The following COG6 variants were observed in gnomAD, a reference collection of about 807,000 sequenced individuals.
The protein encoded by COG6 is conserved oligomeric Golgi complex subunit 6.
In COG6, 74 loss-of-function variants were observed where a neutral mutation model predicts 88.8. The ratio of observed to expected loss-of-function variants is 0.83; its 90% confidence interval spans 0.69 to 1.01. The LOEUF (loss-of-function observed/expected upper bound fraction) is 1.01, where lower values mean the gene tolerates loss of function less well. Ranked by LOEUF, COG6 falls within the 50% of genes least tolerant of loss-of-function variation. The probability of loss-of-function intolerance (pLI) is 0.00; values close to 1 mark genes in which losing one functional copy is unlikely to be tolerated. For missense variants in COG6, 800 were observed against 797.9 expected, an observed-to-expected ratio of 1.00 and a Z score of -0.03; for synonymous variants, 286 against 278.7, an observed-to-expected ratio of 1.03 and a Z score of -0.26.
intron 4 of COG6, among the ~76,000 whole-genome samples, chr13:39,671,846 A>G (rs1875663647): frequency 6.6e-6 from 1 of 151,968 alleles, no homozygotes; most frequent in Non-Finnish European, 1.5e-5. Context: ...CACCAGAAAA[A>G]AAAATAATTA....
chr13:39,721,038 T>G (rs993249591), intron 15 of COG6, among the ~76,000 whole-genome samples: 9 of 152,124 alleles, frequency 5.9e-5, no homozygotes, highest in African/African-American at 1.9e-4. Flanking sequence ...AATTTACCTT[T>G]CTTGGATAAC....
chr13:39,666,953 T>C (rs538214683), intron 4 of COG6, among the ~76,000 whole-genome samples: 1 of 152,324 alleles, frequency 6.6e-6, no homozygotes, highest in South Asian at 2.1e-4. Context: ...GTACCTTATC[T>C]TAGACCTGTG....
chr13:39,658,813 C>G (rs113057533), intron 1 of COG6, among the ~76,000 whole-genome samples: 24 of 152,278 alleles, frequency 1.6e-4, no homozygotes, highest in African/African-American at 5.8e-4. Flanking sequence ...TCTCCAAGTT[C>G]TACTTCCAGT....
chr13:39,774,009 G>T (rs1881393441), intron 18 of COG6, among the ~76,000 whole-genome samples: 1 of 152,044 alleles, frequency 6.6e-6, no homozygotes, highest in South Asian at 2.1e-4. Flanking sequence ...GACTGTACAG[G>T]CTTCGAAACT....
chr13:39,688,383 A>G lies in COG6; in HGVS notation c.1009+584A>G, dbSNP rs1876788694. Among the ~76,000 whole-genome samples the G allele has an allele frequency of 2.0e-5, 3 of 152,304 alleles. No homozygotes were observed. In the South Asian group the frequency reaches 6.2e-4, roughly 32 times the overall value. On this transcript the variant is annotated intron_variant, in intron 10 of 18. Transcript: ENST00000455146. ...CGGTTCTGCAGGCAGTAGAGGAAGCATGATGCCAACATCTGCTTCTGGTGA... is the reference window on the plus strand; with the variant it reads ...CGGTTCTGCAGGCAGTAGAGGAAGCGTGATGCCAACATCTGCTTCTGGTGA...
intron 8 of COG6, among the ~76,000 whole-genome samples, chr13:39,685,585 A>G (rs1228115883): frequency 6.6e-6 from 1 of 152,114 alleles, no homozygotes; most frequent in African/African-American, 2.4e-5. Flanking sequence ...GTTTATTTTT[A>G]ATATAGTTAG....
At chr13:39,723,504 G>T (rs936432260) in intron 16 of COG6, 64 bp downstream of exon 16, 2 of 932,898 alleles carry the variant, frequency 2.1e-6, no homozygotes, top group Non-Finnish European at 3.5e-6. Context: ...GTCTTCTAGA[G>T]CTGCACTCTG....
intron 4 of COG6, among the ~76,000 whole-genome samples, chr13:39,671,559 A>T (rs1337315271): frequency 6.6e-6 from 1 of 151,832 alleles, no homozygotes; most frequent in Admixed American, 6.6e-5. Context: ...TTGAAAACTC[A>T]TTTGTCATTT....
At chr13:39,735,437 A>G (rs1879684515) in intron 18 of COG6, among the ~76,000 whole-genome samples, 1 of 151,834 alleles carries the variant, frequency 6.6e-6, no homozygotes, top group Non-Finnish European at 1.5e-5. Context: ...TGTTTTTTCT[A>G]CTTATATCTT....
intron 1 of COG6, chr13:39,657,018 C>A: frequency 5.3e-6 from 2 of 380,038 alleles, no homozygotes; most frequent in South Asian, 2.1e-5. Context: ...CTGCTACTTG[C>A]TCTGATATAG....
chr13:39,760,947 C>A (rs773411759), intron 18 of COG6, among the ~76,000 whole-genome samples: 6 of 151,640 alleles, frequency 4.0e-5, no homozygotes, highest in Non-Finnish European at 8.8e-5. Flanking sequence ...GCTTCATTTT[C>A]TTTTTTTCAT....
At chr13:39,755,395 C>T (rs781660672), downstream of COG6, among the ~76,000 whole-genome samples, 6 of 152,110 alleles carry the variant, frequency 3.9e-5, no homozygotes, top group Admixed American at 6.5e-5. Flanking sequence ...TTTAAAAAAC[C>T]GGCCTTTATC....
At chr13:39,755,889 A>T (rs1880818854), downstream of COG6, among the ~76,000 whole-genome samples, 1 of 152,240 alleles carries the variant, frequency 6.6e-6, no homozygotes, top group South Asian at 2.1e-4. Flanking sequence ...ACACATGACA[A>T]AGAATGTAGA....
chr13:39,689,322 GA>G (rs1258203596), intron 10 of COG6, among the ~76,000 whole-genome samples: 1 of 152,100 alleles, frequency 6.6e-6, no homozygotes, highest in Non-Finnish European at 1.5e-5. Context: ...CAGTTTTTCT[GA>G]AAGATTTCAA....
At chr13:39,713,784 A>T (rs1366806499) in intron 13 of COG6, among the ~76,000 whole-genome samples, 1 of 152,128 alleles carries the variant, frequency 6.6e-6, no homozygotes, top group Non-Finnish European at 1.5e-5. Context: ...AAGTTTAACC[A>T]TTAGAAATGA....
chr13:39,753,949 A>G (rs781697353), downstream of COG6, among the ~76,000 whole-genome samples: 1 of 152,138 alleles, frequency 6.6e-6, no homozygotes, highest in Non-Finnish European at 1.5e-5. Context: ...TCACTACTAC[A>G]CCGAAACTAA....
At chr13:39,774,034 G>A (rs1456852025) in intron 18 of COG6, among the ~76,000 whole-genome samples, 1 of 152,154 alleles carries the variant, frequency 6.6e-6, no homozygotes, top group Non-Finnish European at 1.5e-5. Context: ...CACAGTCACA[G>A]ATCAGGATGG....
Position 39,759,286 on chromosome 13 carries a change from T to TTG in COG6, c.1827-29046_1827-29045dup, listed in dbSNP as rs552012205. On this transcript the variant is annotated intron_variant, in intron 18 of 18. Coordinates refer to the COG6 transcript ENST00000416691. ...AAACAGGCCTGTTCTCATGTCTTAA[T>TTG]TGTGATCTTTTGTGTTTTTGTGATC... Among the ~76,000 whole-genome samples, 220 of 152,326 alleles carry TTG rather than the reference T, an allele frequency of 1.4e-3. 1 individual carries two copies. Among genetic ancestry groups the TTG allele is most frequent in the Admixed American group, 3.7e-3 (57 of 15,294 alleles).
chr13:39,725,363 C>T (rs1204704595), intron 17 of COG6, among the ~76,000 whole-genome samples: 5 of 151,854 alleles, frequency 3.3e-5, no homozygotes, highest in African/African-American at 1.2e-4. Context: ...AACTACTGTA[C>T]TAAACTAGTG....
Sources: gnomAD v4.1 joint callset for allele counts (sites outside exome capture counted in the v4.1 genomes callset) on GRCh38, gnomAD v4.1.1 for gene constraint, MANE v1.5 for transcripts, NCBI Gene and HGNC (gene_info 2026-07-23, HGNC 2026-07-21) for gene names.